The following STAU2 variants were observed in gnomAD, a reference collection of about 807,000 sequenced individuals.
STAU2 encodes the protein double-stranded RNA-binding protein Staufen homolog 2.
In STAU2, 20 loss-of-function variants were observed where a neutral mutation model predicts 65.9. That is an observed-to-expected ratio of 0.30 (90% CI 0.21 to 0.44). The LOEUF (loss-of-function observed/expected upper bound fraction) is 0.44, where lower values mean the gene tolerates loss of function less well. Ranked by LOEUF, STAU2 falls within the 20% of genes least tolerant of loss-of-function variation. The pLI, the probability that STAU2 is intolerant of heterozygous loss-of-function variation, is 1.00. For synonymous variants in STAU2, 232 were observed against 233.9 expected (o/e 0.99, Z 0.07); for missense variants, 558 against 683.9 (o/e 0.82, Z 2.05).
At chr8:73,535,472 C>CTTTGCT (rs1237497332) in intron 13 of STAU2, among the ~76,000 whole-genome samples, 10 of 152,116 alleles carry the variant, frequency 6.6e-5, no homozygotes, top group African/African-American at 2.4e-4. Context: ...CCTGGCCGTT[C>CTTTGCT]TTTGCTTTTT....
intron 6 of STAU2, among the ~76,000 whole-genome samples, chr8:73,666,191 T>C (rs535402332): frequency 6.6e-6 from 1 of 152,314 alleles, no homozygotes; most frequent in Non-Finnish European, 1.5e-5. Context: ...AAAAATCTTA[T>C]ATGCAAAGTT....
intron 6 of STAU2, among the ~76,000 whole-genome samples, chr8:73,630,338 T>C (rs1371588189): frequency 6.6e-6 from 1 of 152,238 alleles, no homozygotes; most frequent in Non-Finnish European, 1.5e-5. Context: ...CTTTGCCATG[T>C]ACCCTGAGGT....
intron 6 of STAU2, among the ~76,000 whole-genome samples, chr8:73,659,320 C>A (rs1816646556): frequency 6.6e-6 from 1 of 152,030 alleles, no homozygotes; most frequent in African/African-American, 2.4e-5. Context: ...GGCAGATCAC[C>A]TGAGGTCGGG....
intron 13 of STAU2, among the ~76,000 whole-genome samples, chr8:73,542,852 A>G (rs1806635282): frequency 6.6e-6 from 1 of 152,202 alleles, no homozygotes; most frequent in Admixed American, 6.5e-5. Flanking sequence ...TGTATGTAAT[A>G]CATTAAAATA....
At chr8:73,694,967 T>C (rs1426699846) in intron 4 of STAU2, among the ~76,000 whole-genome samples, 1 of 152,226 alleles carries the variant, frequency 6.6e-6, no homozygotes, top group Non-Finnish European at 1.5e-5. Flanking sequence ...TTGAATTTCT[T>C]GGCAAGACTT....
chr8:73,449,884 G>A (rs1818704983), intron 13 of STAU2, among the ~76,000 whole-genome samples: 1 of 152,176 alleles, frequency 6.6e-6, no homozygotes, highest in African/African-American at 2.4e-5. Context: ...AGCTCTGCAG[G>A]GTCACTATCT....
At chr8:73,616,812 G>A (rs1812862555) in intron 7 of STAU2, among the ~76,000 whole-genome samples, 1 of 151,218 alleles carries the variant, frequency 6.6e-6, no homozygotes, top group Non-Finnish European at 1.5e-5. Flanking sequence ...AAAAAAGGAA[G>A]CTCACTATGC....
At chr8:73,632,028 CAG>C (rs1814131480) in intron 6 of STAU2, among the ~76,000 whole-genome samples, 1 of 150,788 alleles carries the variant, frequency 6.6e-6, no homozygotes, top group Non-Finnish European at 1.5e-5. Flanking sequence ...GGGAGGAAGA[CAG>C]AGGGAGGAAA....
intron 6 of STAU2, chr8:73,651,274 T>TG (rs2130230714): frequency 1.5e-6 from 1 of 664,792 alleles, no homozygotes; most frequent in East Asian, 2.8e-5. Context: ...GCCAAACGCC[T>TG]GGCGGGCCCC....
Position 73,433,501 on chromosome 8 carries a change from G to A in STAU2, c.1531-10799C>T, listed in dbSNP as rs996865278. ...TTAAAGGTGTGAGCCATCACGCCCC[G>A]CCTTTTTTTTTTTTTTTTTGACAGA... On this transcript the variant is annotated intron_variant, in intron 13 of 14. Transcript: ENST00000524300. Among the ~76,000 whole-genome samples the A allele has an allele frequency of 4.8e-5, 6 of 125,514 alleles. 1 individual carries two copies. The highest frequency in any genetic ancestry group is 6.6e-5 in the African/African-American group (2 of 30,114). The allele number at this position is 125,514 out of a possible 152,430, so 82.3% of individuals were successfully genotyped here.
intron 13 of STAU2, among the ~76,000 whole-genome samples, chr8:73,505,883 A>G (rs1329799750): frequency 6.6e-6 from 1 of 152,074 alleles, no homozygotes; most frequent in African/African-American, 2.4e-5. Context: ...CCCCTTGGTG[A>G]TAAGTGAGTT....
chr8:73,746,303 G>A (rs1306413912), intron 1 of STAU2, among the ~76,000 whole-genome samples: 5 of 147,602 alleles, frequency 3.4e-5, no homozygotes, highest in African/African-American at 1.3e-4. Context: ...TCCCCGGGCC[G>A]CCCTCCCCTG....
At chr8:73,737,257 G>A (rs940020320) in intron 3 of STAU2, among the ~76,000 whole-genome samples, 28 of 151,398 alleles carry the variant, frequency 1.8e-4, no homozygotes, top group South Asian at 8.3e-4. Flanking sequence ...CGCAACCTCC[G>A]CCTCCCGGGT....
chr8:73,739,791 T>C lies in STAU2; in HGVS notation c.-119A>G. On this transcript the variant is annotated 5_prime_UTR_variant, in exon 2 of 15. Coordinates refer to ENST00000524300, the MANE Select transcript of STAU2 (RefSeq NM_001164380.2). ...TTGGTTCAAATTACTTTGTGTATCTTTGAGTTCTTCTTTTTCTGTCTTCTT... is the reference window on the plus strand; with the variant it reads ...TTGGTTCAAATTACTTTGTGTATCTCTGAGTTCTTCTTTTTCTGTCTTCTT... The C allele has an allele frequency of 6.6e-7, 1 of 1,526,628 alleles. No homozygotes were observed. Among genetic ancestry groups the C allele is most frequent in the Non-Finnish European group, 8.7e-7 (1 of 1,144,220 alleles). The allele number at this position is 1,526,628 out of a possible 1,614,324, so 94.6% of individuals were successfully genotyped here.
intron 13 of STAU2, chr8:73,527,478 G>T: frequency 2.5e-6 from 1 of 397,414 alleles, no homozygotes; most frequent in Non-Finnish European, 4.6e-6. Context: ...AAATAATAAT[G>T]AACTGCAAAC....
intron 3 of STAU2, among the ~76,000 whole-genome samples, chr8:73,710,376 C>CTTTTTTTTT (rs11389924): frequency 7.5e-6 from 1 of 133,666 alleles, no homozygotes; most frequent in Non-Finnish European, 1.6e-5. Flanking sequence ...GGCTTCTATC[C>CTTTTTTTTT]TTTTTTTTTT....
At chr8:73,627,408 C>T (rs1813766854) in intron 6 of STAU2, among the ~76,000 whole-genome samples, 1 of 152,054 alleles carries the variant, frequency 6.6e-6, no homozygotes, top group Non-Finnish European at 1.5e-5. Flanking sequence ...GTGGTTTGCA[C>T]ACATGCTACA....
At chr8:73,688,275 C>T (rs541532278) in intron 5 of STAU2, among the ~76,000 whole-genome samples, 3 of 150,942 alleles carry the variant, frequency 2.0e-5, no homozygotes, top group Admixed American at 6.6e-5. Flanking sequence ...CTCCCAGATT[C>T]AAGCAATTCT....
At chr8:73,425,337 C>T (rs1300077270) in intron 13 of STAU2, among the ~76,000 whole-genome samples, 4 of 152,116 alleles carry the variant, frequency 2.6e-5, no homozygotes, top group Non-Finnish European at 5.9e-5. Context: ...GAGAACGCCA[C>T]GTGAAGATGG....
Sources: gnomAD v4.1 joint callset for allele counts (sites outside exome capture counted in the v4.1 genomes callset) on GRCh38, gnomAD v4.1.1 for gene constraint, MANE v1.5 for transcripts, NCBI Gene and HGNC (gene_info 2026-07-23, HGNC 2026-07-21) for gene names.